The following NRG1 variants were observed in gnomAD, a reference collection of about 807,000 sequenced individuals.
NRG1 encodes the protein pro-neuregulin-1, membrane-bound isoform.
A neutral mutation model predicts 63.8 loss-of-function variants in NRG1; 18 were observed. That is an observed-to-expected ratio of 0.28 (90% CI 0.19 to 0.42). The LOEUF (loss-of-function observed/expected upper bound fraction) is 0.42. Ranked by LOEUF, NRG1 falls within the 10% of genes least tolerant of loss-of-function variation. NRG1 has a pLI of 1.00. For synonymous variants in NRG1, 302 were observed against 301.3 expected (o/e 1.00, Z -0.02); for missense variants, 762 against 814.7 (o/e 0.94, Z 0.79).
At chr8:32,004,459 C>T (rs946569531) in intron 1 of NRG1, among the ~76,000 whole-genome samples, 1 of 140,594 alleles carries the variant, frequency 7.1e-6, no homozygotes, top group East Asian at 2.2e-4. Context: ...GTGCACCACA[C>T]TAATGCAAGA....
At position 31,923,115 on chromosome 8, in the gene NRG1, T is replaced by A. The variant is rs117483864; in HGVS notation, c.37+283684T>A. On this transcript the variant is annotated intron_variant, in intron 1 of 10. Transcript: ENST00000519301. ...GGTTTTATTTCACCGTTAAGTATGA[T>A]GTTTTAGTCTCTCTTTTCTTTTTTA... 4.6e-5 allele frequency among the ~76,000 whole-genome samples: 7 copies of A among 152,320 alleles called. No homozygotes were observed. In the East Asian group the frequency reaches 1.4e-3, roughly 29 times the overall value.
intron 1 of NRG1, among the ~76,000 whole-genome samples, chr8:32,445,636 C>T (rs1820141841): frequency 6.6e-6 from 1 of 152,184 alleles, no homozygotes; most frequent in African/African-American, 2.4e-5. Flanking sequence ...ACTTCTCTCA[C>T]TTCTCTCTTC....
At chr8:32,536,922 CAAAAAA>C (rs35265022) in intron 1 of NRG1, among the ~76,000 whole-genome samples, 3 of 35,914 alleles carry the variant, frequency 8.4e-5, no homozygotes, top group East Asian at 9.3e-4. Flanking sequence ...GACTCCGTCT[CAAAAAA>C]AAAAAAAAAA....
chr8:32,276,154 C>T (rs1425040555), intron 1 of NRG1, among the ~76,000 whole-genome samples: 1 of 152,158 alleles, frequency 6.6e-6, no homozygotes, highest in East Asian at 1.9e-4. Context: ...CCCTATCTAG[C>T]TGTAACTTTG....
At chr8:31,695,416 T>C (rs144502456) in intron 1 of NRG1, among the ~76,000 whole-genome samples, 1 of 152,318 alleles carries the variant, frequency 6.6e-6, no homozygotes, top group South Asian at 2.1e-4. Flanking sequence ...GTGATCTGCC[T>C]GCAGTGGCCT....
intron 1 of NRG1, among the ~76,000 whole-genome samples, chr8:32,512,538 A>G (rs1829337149): frequency 6.6e-6 from 1 of 152,222 alleles, no homozygotes; most frequent in African/African-American, 2.4e-5. Context: ...ACATTCTTCT[A>G]AGTGCCATTA....
intron 1 of NRG1, among the ~76,000 whole-genome samples, chr8:31,786,190 G>A (rs558745665): frequency 3.9e-5 from 6 of 152,148 alleles, no homozygotes; most frequent in South Asian, 2.1e-4. Flanking sequence ...ATTGAGTTTC[G>A]ATTCTGACTT....
chr8:32,533,981 A>G (rs1423135056), intron 1 of NRG1, among the ~76,000 whole-genome samples: 1 of 152,134 alleles, frequency 6.6e-6, no homozygotes, highest in Non-Finnish European at 1.5e-5. Flanking sequence ...ACATTTCTAT[A>G]AGAAATGTAT....
chr8:32,718,879 A>T (rs746757155), intron 5 of NRG1, among the ~76,000 whole-genome samples: 1 of 152,162 alleles, frequency 6.6e-6, no homozygotes, highest in African/African-American at 2.4e-5. Context: ...GCTGCTGTGA[A>T]TATGATCACA....
chr8:32,607,706 G>C (rs917617086), intron 3 of NRG1, among the ~76,000 whole-genome samples: 3 of 152,080 alleles, frequency 2.0e-5, no homozygotes, highest in Admixed American at 2.0e-4. Context: ...GATCAAATTT[G>C]AATATGTAGT....
chr8:32,193,126 T>C (rs1842649216), intron 1 of NRG1, among the ~76,000 whole-genome samples: 1 of 152,226 alleles, frequency 6.6e-6, no homozygotes, highest in South Asian at 2.1e-4. Context: ...TTGTTATTTG[T>C]CTTATTCCTA....
chr8:31,974,645 G>C (rs763806522), intron 1 of NRG1, among the ~76,000 whole-genome samples: 10 of 152,116 alleles, frequency 6.6e-5, no homozygotes, highest in Non-Finnish European at 1.2e-4. Flanking sequence ...TGTTTACATG[G>C]GCCTTCCACT....
chr8:32,488,934 T>C (rs911793606), intron 1 of NRG1, among the ~76,000 whole-genome samples: 5 of 152,134 alleles, frequency 3.3e-5, no homozygotes, highest in South Asian at 2.1e-4. Flanking sequence ...AAAAACTTCA[T>C]TGAGGGGCAT....
intron 1 of NRG1, among the ~76,000 whole-genome samples, chr8:32,055,840 C>G (rs1355004738): frequency 6.6e-6 from 1 of 152,108 alleles, no homozygotes; most frequent in Non-Finnish European, 1.5e-5. Context: ...TGATATGATA[C>G]TGGGCCGTAT....
rs547732758 is a variant in NRG1 at position 31,960,999 on chromosome 8, G to C, written c.37+321568G>C. ...ATATGCCTGTCAATGAAACTTTAGAGATGACTTTCAGTCCTTGGAATTTTT... is the reference window on the plus strand; with the variant it reads ...ATATGCCTGTCAATGAAACTTTAGACATGACTTTCAGTCCTTGGAATTTTT... On this transcript the variant is annotated intron_variant, in intron 1 of 10. Coordinates refer to the NRG1 transcript ENST00000519301. Among the ~76,000 whole-genome samples the C allele has an allele frequency of 7.9e-5, 12 of 152,326 alleles. No individual in the cohort carries two copies. The East Asian group carries it at 1.3e-3, about 17-fold the overall frequency.
At chr8:32,008,637 C>G (rs556276337) in intron 1 of NRG1, among the ~76,000 whole-genome samples, 6 of 152,066 alleles carry the variant, frequency 3.9e-5, no homozygotes, top group African/African-American at 1.4e-4. Flanking sequence ...ACTCGTAATA[C>G]AGAAGTGACA....
intron 1 of NRG1, among the ~76,000 whole-genome samples, chr8:32,344,376 TTCTTTC>T (rs1586939019): frequency 1.1e-4 from 14 of 131,356 alleles, no homozygotes; most frequent in Admixed American, 1.7e-4. Flanking sequence ...CTTTCTTTCT[TTCTTTC>T]TCTTTCTTTC....
intron 1 of NRG1, among the ~76,000 whole-genome samples, chr8:31,771,660 T>C (rs1156659611): frequency 6.6e-6 from 1 of 152,166 alleles, no homozygotes; most frequent in Non-Finnish European, 1.5e-5. Flanking sequence ...TAATAATTGT[T>C]ACCAAATCAT....
At chr8:31,887,952 CAT>C (rs918031813) in intron 1 of NRG1, among the ~76,000 whole-genome samples, 8 of 151,122 alleles carry the variant, frequency 5.3e-5, no homozygotes, top group African/African-American at 1.5e-4. Flanking sequence ...ATAATGAAAA[CAT>C]ATATATTACA....
Sources: gnomAD v4.1 joint callset for allele counts (sites outside exome capture counted in the v4.1 genomes callset) on GRCh38, gnomAD v4.1.1 for gene constraint, MANE v1.5 for transcripts, NCBI Gene and HGNC (gene_info 2026-07-23, HGNC 2026-07-21) for gene names.